The following BCOR variants were observed in gnomAD, a reference collection of about 807,000 sequenced individuals.
The protein encoded by BCOR is BCL-6 corepressor.
Under a neutral mutation model 86.7 loss-of-function variants are expected in BCOR, and 10 were observed. The observed-to-expected ratio is 0.12, with a 90% CI of 0.07 to 0.20. BCOR has a LOEUF of 0.20. BCOR is among the 10% of genes least tolerant of loss of function. The pLI, the probability that BCOR is intolerant of heterozygous loss-of-function variation, is 1.00. For synonymous variants in BCOR, 611 were observed against 609.0 expected, an observed-to-expected ratio of 1.00 and a Z score of -0.05; for missense variants, 1,259 against 1,452.1, an observed-to-expected ratio of 0.87 and a Z score of 2.16.
At chrX:40,081,130 G>A (rs757351120) in intron 1 of BCOR, among the ~76,000 whole-genome samples, 12 of 111,527 alleles carry the variant, frequency 1.1e-4, no homozygotes, top group African/African-American at 3.3e-4. Flanking sequence ...TTAACTCTTC[G>A]GGTTCCTGGC....
At chrX:40,120,924 G>C (rs1937475602) in intron 1 of BCOR, among the ~76,000 whole-genome samples, 1 of 111,473 alleles carries the variant, frequency 9.0e-6, no homozygotes, top group Non-Finnish European at 1.9e-5. Flanking sequence ...GGGAAAGTGA[G>C]ATGTGAGCAA....
At chrX:40,122,541 G>A (rs769134145) in intron 1 of BCOR, among the ~76,000 whole-genome samples, 1 of 112,109 alleles carries the variant, frequency 8.9e-6, no homozygotes, top group Admixed American at 9.4e-5. Flanking sequence ...TTGAGGGCAC[G>A]ATCAGGTGGT....
At chrX:40,110,007 TTC>T (rs1237988795) in intron 1 of BCOR, among the ~76,000 whole-genome samples, 1 of 112,306 alleles carries the variant, frequency 8.9e-6, no homozygotes, top group Non-Finnish European at 1.9e-5. Context: ...CTTTTGTGTG[TTC>T]TCTCTCTCTT....
rs1190467114 is a variant in BCOR at position 40,097,832 on chromosome X, C to T, written c.-658G>A. Among the ~76,000 whole-genome samples the T allele has an allele frequency of 9.0e-6, 1 of 111,057 alleles. No individual in the cohort carries two copies. Among genetic ancestry groups the T allele is most frequent in the East Asian group, 2.9e-4 (1 of 3,470 alleles). ...GCTCCCCCTCCGCCGCCGCCGCCCG[C>T]CTAGCTCCCGCTCTCGGTCGCGGTC... On this transcript the variant is annotated 5_prime_UTR_variant, in exon 1 of 15. Coordinates refer to ENST00000378444, the MANE Select transcript of BCOR (RefSeq NM_001123385.2).
intron 1 of BCOR, among the ~76,000 whole-genome samples, chrX:40,088,168 C>T (rs12856318): frequency 0.047 from 5,213 of 111,889 alleles, 109 homozygotes; most frequent in Non-Finnish European, 0.07. Context: ...CCTCGAGCTC[C>T]CCACCTTCAC....
In BCOR at chrX:40,064,637, G is replaced by A. The variant is rs762595447; in HGVS notation, c.3239-38C>T. On this transcript the variant is annotated intron_variant, in intron 6 of 14. Transcript: ENST00000378444. ...AGACAAGAGGGCATTAATGAAGCCC[G>A]AAGGTCGCCATGAGAAGGCAGGATC... The A allele has an allele frequency of 2.9e-5, 35 of 1,205,124 alleles. No homozygotes were observed. In the East Asian group the frequency reaches 9.2e-4, roughly 32 times the overall value.
At chrX:40,127,281 G>T (rs773979297) in intron 1 of BCOR, among the ~76,000 whole-genome samples, 21 of 111,997 alleles carry the variant, frequency 1.9e-4, no homozygotes, top group Non-Finnish European at 3.8e-4. Context: ...TTGAGGATGT[G>T]AGGCCACAGG....
chrX:40,074,752 A>G lies in BCOR; in HGVS notation c.594T>C (p.Gly198=), dbSNP rs1935704860. 8.3e-7 allele frequency: 1 copy of G among 1,209,239 alleles called. No individual in the cohort carries two copies. Among genetic ancestry groups the G allele is most frequent in the Non-Finnish European group, 1.1e-6 (1 of 894,989 alleles). ...GGAAAGGGTAGATGGCTGGCGTGGC[A>G]CCCTCCATGTAAGGATTGACCCAGG... ...RLPWVNPYME[G]ATPAIYPFLD... is the part of the protein sequence containing the mutation. The change falls in exon 4 of 15, where the codon GGT becomes GGC. Residue 198 remains glycine, a synonymous_variant. Transcript: ENST00000378444.
chrX:40,175,389 A>C (rs1938723044), intron 1 of BCOR, among the ~76,000 whole-genome samples: 1 of 113,201 alleles, frequency 8.8e-6, no homozygotes, highest in Admixed American at 9.2e-5. Flanking sequence ...CTTCGGGTTG[A>C]GCAAACGTGG....
intron 1 of BCOR, among the ~76,000 whole-genome samples, chrX:40,162,746 T>C (rs1425468560): frequency 8.9e-6 from 1 of 112,060 alleles, no homozygotes; most frequent in Non-Finnish European, 1.9e-5. Flanking sequence ...TAGAAAATAA[T>C]AACTGCCAAT....
At chrX:40,058,563 CCTTT>C (rs1209455740) in intron 10 of BCOR, among the ~76,000 whole-genome samples, 2 of 111,912 alleles carry the variant, frequency 1.8e-5, no homozygotes, top group African/African-American at 6.5e-5. Context: ...TCTTTTATGC[CCTTT>C]CTAAGACACA....
chrX:40,163,840 A>G (rs1938464908), intron 1 of BCOR, among the ~76,000 whole-genome samples: 1 of 110,448 alleles, frequency 9.1e-6, no homozygotes. Context: ...CCTGACCAAC[A>G]TGCTAAAACC....
At chrX:40,132,424 C>A (rs1464364337) in intron 1 of BCOR, among the ~76,000 whole-genome samples, 1 of 111,089 alleles carries the variant, frequency 9.0e-6, no homozygotes, top group Non-Finnish European at 1.9e-5. Context: ...ACCTCCAGAG[C>A]TCAAGGAATC....
chrX:40,155,230 C>A (rs1369769905), intron 1 of BCOR, among the ~76,000 whole-genome samples: 1 of 112,818 alleles, frequency 8.9e-6, no homozygotes, highest in Non-Finnish European at 1.9e-5. Context: ...CAGCCAAGGT[C>A]CTCCGGCTCT....
chrX:40,130,551 C>A (rs1183917265), intron 1 of BCOR, among the ~76,000 whole-genome samples: 14 of 112,310 alleles, frequency 1.2e-4, no homozygotes, highest in Non-Finnish European at 2.6e-4. Flanking sequence ...TCCAAGCCTA[C>A]CCCTGTCTGC....
intron 1 of BCOR, among the ~76,000 whole-genome samples, chrX:40,144,308 G>A (rs1427152782): frequency 8.9e-6 from 1 of 112,193 alleles, no homozygotes; most frequent in East Asian, 2.8e-4. Context: ...ACCTGGAGAA[G>A]AAGGCCAATT....
chrX:40,162,948 T>C (rs1205034351), intron 1 of BCOR, among the ~76,000 whole-genome samples: 1 of 111,694 alleles, frequency 9.0e-6, no homozygotes, highest in African/African-American at 3.3e-5. Context: ...AATGGGAACC[T>C]GGGGCCCTAG....
intron 3 of BCOR, 30 bp from the exon 4 acceptor site, chrX:40,075,210 G>C (rs1429550684): frequency 8.6e-7 from 1 of 1,168,421 alleles, no homozygotes; most frequent in South Asian, 1.9e-5. Flanking sequence ...GGGTGTTACT[G>C]GGATACTCCT....
intron 1 of BCOR, among the ~76,000 whole-genome samples, chrX:40,104,522 C>T (rs1168727556): frequency 2.7e-5 from 3 of 111,269 alleles, no homozygotes; most frequent in African/African-American, 6.5e-5. Flanking sequence ...CCCCCCGGCC[C>T]AGTGGCTAGC....
Sources: allele counts gnomAD v4.1 joint callset (sites outside exome capture counted in the v4.1 genomes callset), GRCh38; gene constraint gnomAD v4.1.1; transcripts MANE v1.5; gene names NCBI Gene and HGNC (gene_info 2026-07-23, HGNC 2026-07-21).